Variants in KDM4C observed in about 807,000 individuals in gnomAD.
The protein encoded by KDM4C is lysine-specific demethylase 4C.
In KDM4C, 81 loss-of-function variants were observed where a neutral mutation model predicts 129.3. The ratio of observed to expected loss-of-function variants is 0.63; its 90% CI spans 0.52 to 0.75. The LOEUF (loss-of-function observed/expected upper bound fraction) is 0.75. Ranked by LOEUF, KDM4C falls within the 30% of genes least tolerant of loss-of-function variation. KDM4C has a pLI of 0.00. For missense variants in KDM4C, 1,457 were observed against 1,304.0 expected, an observed-to-expected ratio of 1.12 and a Z score of -1.81; for synonymous variants, 573 against 456.1, an observed-to-expected ratio of 1.26 and a Z score of -3.26.
chr9:6,986,415 A>G lies in KDM4C; in HGVS notation c.1426A>G (p.Ser476Gly). The change falls in exon 11 of 22, where the codon AGT (serine) becomes GGT (glycine). Residue 476 changes from serine to glycine, a missense_variant. Ser to Gly is a moderately conservative substitution (Grantham distance 56). Transcript: ENST00000381309. The stretch of plus-strand genomic sequence containing the variant: ...GGATGACAAAGCTTATGCATATAGA[A>G]GTGTACCTTCTATATCCAGTGAGGC... ...TEDDKAYAYR[S>G]VPSISSEADD... is the part of the protein sequence containing the mutation. 1.2e-6 allele frequency: 2 copies of G among 1,614,026 alleles called. No individual in the cohort carries two copies. The highest frequency in any genetic ancestry group is 1.7e-6 in the Non-Finnish European group (2 of 1,179,892).
chr9:7,170,328 C>G (rs1449120986), intron 21 of KDM4C: 17 of 1,020,586 alleles, frequency 1.7e-5, no homozygotes, highest in Non-Finnish European at 2.0e-5. Flanking sequence ...GATTGACTAC[C>G]TTCTGTCTCA....
At chr9:6,792,922 C>G in intron 1 of KDM4C, 50 bp from the exon 2 acceptor site, 2 of 1,580,032 alleles carry the variant, frequency 1.3e-6, no homozygotes, top group African/African-American at 1.3e-5. Flanking sequence ...TAAAAATGAC[C>G]TAAAGCATAT....
chr9:7,167,671 C>T (rs1202065138), intron 20 of KDM4C, among the ~76,000 whole-genome samples: 1 of 152,162 alleles, frequency 6.6e-6, no homozygotes, highest in Non-Finnish European at 1.5e-5. Context: ...GATAATAATA[C>T]GTTCAATTGT....
chr9:6,922,356 G>T (rs1211710676), intron 8 of KDM4C, among the ~76,000 whole-genome samples: 1 of 152,182 alleles, frequency 6.6e-6, no homozygotes, highest in Non-Finnish European at 1.5e-5. Flanking sequence ...CCACCCTGTT[G>T]CAAGATTTCC....
At chr9:7,007,192 A>G (rs903862410) in intron 12 of KDM4C, among the ~76,000 whole-genome samples, 2 of 152,218 alleles carry the variant, frequency 1.3e-5, no homozygotes, top group Non-Finnish European at 2.9e-5. Context: ...TGCCTGGTAT[A>G]CTGGGCTTCT....
chr9:6,747,458 G>A (rs1021828660), intron 1 of KDM4C, among the ~76,000 whole-genome samples: 2 of 140,482 alleles, frequency 1.4e-5, no homozygotes, highest in African/African-American at 5.4e-5. Context: ...TGAGGCAGGA[G>A]AATAGTGTGA....
At chr9:7,067,006 C>T (rs1204143316) in intron 17 of KDM4C, among the ~76,000 whole-genome samples, 1 of 152,052 alleles carries the variant, frequency 6.6e-6, no homozygotes, top group African/African-American at 2.4e-5. Flanking sequence ...TTTTTGGAAA[C>T]AACAAGGAAA....
chr9:6,728,538 C>A (rs1461923756), intron 1 of KDM4C, among the ~76,000 whole-genome samples: 1 of 149,784 alleles, frequency 6.7e-6, no homozygotes, highest in African/African-American at 2.5e-5. Context: ...TCTGAAAAAA[C>A]AAACAAACAA....
chr9:7,005,928 A>G (rs888737680), intron 12 of KDM4C, among the ~76,000 whole-genome samples: 1 of 152,226 alleles, frequency 6.6e-6, no homozygotes, highest in African/African-American at 2.4e-5. Context: ...AGCCATGCTT[A>G]TCTTAGAATA....
rs187621702 is a variant in KDM4C at position 6,761,917 on chromosome 9, C to G, written c.-18+3714C>G. Among the ~76,000 whole-genome samples, 604 of 152,160 alleles carry G rather than the reference C, an allele frequency of 4.0e-3. 15 individuals carry two copies. The highest frequency in any genetic ancestry group is 0.037 in the Admixed American group (569 of 15,270). ...ACCTCCGACTCCCTGGAGTGATTCT[C>G]CTCCTCAGCCTCCCGAGTAGCTGGG... On this transcript the variant is annotated intron_variant, in intron 1 of 21. Coordinates refer to ENST00000381309, the MANE Select transcript of KDM4C (RefSeq NM_015061.6).
rs548090358 is a variant in KDM4C, at chr9:7,152,068, G to A, written c.2782-13170G>A. On this transcript the variant is annotated intron_variant, in intron 19 of 21. Coordinates refer to ENST00000381309, the MANE Select transcript of KDM4C (RefSeq NM_015061.6). ...ACCAGCTGAATCAGAAATTTCTCTG[G>A]TGGTTAACATTAGATTTATTTACTG... Among the ~76,000 whole-genome samples, 5 of 152,320 alleles carry A rather than the reference G, an allele frequency of 3.3e-5. No homozygotes were observed. The East Asian group carries it at 7.7e-4, about 23-fold the overall frequency.
intron 20 of KDM4C, among the ~76,000 whole-genome samples, chr9:7,166,621 G>A (rs1844416488): frequency 6.6e-6 from 1 of 152,160 alleles, no homozygotes; most frequent in African/African-American, 2.4e-5. Flanking sequence ...TATAATACCG[G>A]AGGATCCTGG....
intron 8 of KDM4C, among the ~76,000 whole-genome samples, chr9:6,935,531 C>T (rs909021992): frequency 3.3e-5 from 5 of 151,810 alleles, no homozygotes; most frequent in African/African-American, 1.2e-4. Flanking sequence ...GATTCTCCTG[C>T]CTTGGCCTCC....
At chr9:6,963,840 CAG>C (rs1349630062) in intron 8 of KDM4C, among the ~76,000 whole-genome samples, 1 of 152,220 alleles carries the variant, frequency 6.6e-6, no homozygotes, top group Non-Finnish European at 1.5e-5. Context: ...GCCACCCTGA[CAG>C]TTCCCTCTCA....
chr9:7,093,055 G>C (rs992791294), intron 17 of KDM4C, among the ~76,000 whole-genome samples: 2 of 152,144 alleles, frequency 1.3e-5, no homozygotes, highest in African/African-American at 2.4e-5. Context: ...TGCTGGGCTT[G>C]TCCAATATCT....
At chr9:6,933,630 T>G (rs1180489796) in intron 8 of KDM4C, among the ~76,000 whole-genome samples, 1 of 152,206 alleles carries the variant, frequency 6.6e-6, no homozygotes, top group Middle Eastern at 3.2e-3. Context: ...CAGTAAAGTT[T>G]AACTTGTTGG....
chr9:6,865,266 C>G (rs759097868), intron 5 of KDM4C, among the ~76,000 whole-genome samples: 86 of 152,196 alleles, frequency 5.7e-4, no homozygotes, highest in Non-Finnish European at 9.4e-4. Context: ...CCTTGGCCTC[C>G]CAAAGTTTTG....
At chr9:7,097,007 C>T (rs1023616471) in intron 17 of KDM4C, among the ~76,000 whole-genome samples, 1 of 152,188 alleles carries the variant, frequency 6.6e-6, no homozygotes, top group African/African-American at 2.4e-5. Flanking sequence ...TACTTCCTGA[C>T]TCCATTTTGC....
intron 5 of KDM4C, among the ~76,000 whole-genome samples, chr9:6,867,142 A>G (rs1439583561): frequency 6.6e-6 from 1 of 151,478 alleles, no homozygotes; most frequent in Non-Finnish European, 1.5e-5. Context: ...CAACCTCCCA[A>G]GTAGCTGGGA....
Sources: allele counts gnomAD v4.1 joint callset (sites outside exome capture counted in the v4.1 genomes callset), GRCh38; gene constraint gnomAD v4.1.1; transcripts MANE v1.5; gene names NCBI Gene and HGNC (gene_info 2026-07-23, HGNC 2026-07-21).